ATXN7: variants seen among roughly 807,000 people sequenced by gnomAD.
The protein encoded by ATXN7 is ataxin 7.
A neutral mutation model predicts 70.5 loss-of-function variants in ATXN7; 12 were observed. That is an observed-to-expected ratio of 0.17 (90% CI 0.11 to 0.28). The LOEUF is 0.28. ATXN7 is among the 10% of genes least tolerant of loss of function. The pLI, the probability that ATXN7 is intolerant of heterozygous loss-of-function variation, is 1.00. For missense variants in ATXN7, 1,256 were observed against 1,131.7 expected, an observed-to-expected ratio of 1.11 and a Z score of -1.58; for synonymous variants, 498 against 448.7, an observed-to-expected ratio of 1.11 and a Z score of -1.39.
intron 4 of ATXN7, among the ~76,000 whole-genome samples, chr3:63,927,467 T>A (rs1314607119): frequency 6.6e-6 from 1 of 152,198 alleles, no homozygotes; most frequent in African/African-American, 2.4e-5. Flanking sequence ...TAATAATAAT[T>A]CTTGTTGAAG....
At chr3:63,989,167 G>C (rs1219452931) in intron 9 of ATXN7, among the ~76,000 whole-genome samples, 1 of 152,204 alleles carries the variant, frequency 6.6e-6, no homozygotes. Flanking sequence ...TGAGCTTTGT[G>C]GTTTCTGTGC....
At chr3:63,955,947 C>A (rs901219701) in intron 5 of ATXN7, among the ~76,000 whole-genome samples, 1 of 152,176 alleles carries the variant, frequency 6.6e-6, no homozygotes, top group Non-Finnish European at 1.5e-5. Flanking sequence ...TAAAACTATT[C>A]TGAATTGGTG....
chr3:63,887,374 A>T (rs562792861), intron 1 of ATXN7, among the ~76,000 whole-genome samples: 2 of 152,310 alleles, frequency 1.3e-5, no homozygotes, highest in East Asian at 3.9e-4. Context: ...TTAGCCAGAG[A>T]GATGTTTGAA....
At chr3:63,892,532 G>A (rs552670133) in intron 1 of ATXN7, among the ~76,000 whole-genome samples, 4 of 150,872 alleles carry the variant, frequency 2.7e-5, no homozygotes, top group Middle Eastern at 3.4e-3. Context: ...CCTGTCAACC[G>A]GAGTACTGGA....
At chr3:63,900,252 A>G (rs1703586177) in intron 2 of ATXN7, among the ~76,000 whole-genome samples, 1 of 152,254 alleles carries the variant, frequency 6.6e-6, no homozygotes, top group Non-Finnish European at 1.5e-5. Context: ...TATCTTACAT[A>G]CTTAGGCAAC....
chr3:63,999,728 C>T lies in ATXN7; in HGVS notation c.*261C>T, dbSNP rs2075814524. The T allele has an allele frequency of 6.6e-6, 4 of 605,404 alleles. No individual in the cohort carries two copies. The Admixed American group carries it at 1.2e-4, about 18-fold the overall frequency. 37.5% of individuals were successfully genotyped at this position (605,404 alleles called of 1,614,324 possible). ...ATCAGTGTTAAAGTGGTCTGAACTG[C>T]TTGCTACCAATCTGTGAGAAGTTTT... On this transcript the variant is annotated 3_prime_UTR_variant, in exon 13 of 13. Coordinates refer to ENST00000674280, the MANE Select transcript of ATXN7 (RefSeq NM_001377405.1).
chr3:64,001,036 G>A lies in ATXN7; in HGVS notation c.*1569G>A, dbSNP rs1282719308. The A allele has an allele frequency of 6.6e-6, 1 of 151,954 alleles. No homozygotes were observed. Among genetic ancestry groups the A allele is most frequent in the Non-Finnish European group, 1.5e-5 (1 of 67,998 alleles). The allele number at this position is 151,954 out of a possible 1,614,324, so 9.4% of individuals were successfully genotyped here. On this transcript the variant is annotated 3_prime_UTR_variant, in exon 13 of 13. Coordinates refer to ENST00000674280, the MANE Select transcript of ATXN7 (RefSeq NM_001377405.1). ...GCCAGGGCCTGATGAGAGCCAGTCA[G>A]TACATTCTTTTTTTCCTACAGTTCT...
chr3:63,992,005 G>T (rs534601280), intron 11 of ATXN7, among the ~76,000 whole-genome samples: 2 of 152,040 alleles, frequency 1.3e-5, no homozygotes, highest in Non-Finnish European at 2.9e-5. Context: ...CGGTGGGAGT[G>T]ACTTTGGTGA....
intron 1 of ATXN7, among the ~76,000 whole-genome samples, chr3:63,885,629 T>C (rs944164451): frequency 1.3e-5 from 2 of 152,188 alleles, no homozygotes; most frequent in African/African-American, 4.8e-5. Context: ...GTCACAGAGG[T>C]ATCTGCACTC....
At position 63,951,342 on chromosome 3, in the gene ATXN7, C is replaced by G. The variant is rs184343839; in HGVS notation, c.395-1037C>G. Among the ~76,000 whole-genome samples, 26 of 152,054 alleles carry G rather than the reference C, an allele frequency of 1.7e-4. No homozygotes were observed. The East Asian group carries it at 5.0e-3, about 29-fold the overall frequency. On this transcript the variant is annotated intron_variant, in intron 4 of 12. Transcript: ENST00000674280. ...TCCCTTTAAAACCACCAGGATCTCC[C>G]CGGCTGGAGAAAGTGTGAAATTAAA...
intron 1 of ATXN7, chr3:63,866,754 G>T (rs1702443414): frequency 6.6e-6 from 1 of 152,130 alleles, no homozygotes; most frequent in Non-Finnish European, 1.5e-5. Context: ...TTTACAAGTG[G>T]TCTTCTTTTT....
At chr3:63,892,402 AC>A (rs1703298012) in intron 1 of ATXN7, among the ~76,000 whole-genome samples, 1 of 149,388 alleles carries the variant, frequency 6.7e-6, no homozygotes, top group Admixed American at 6.7e-5. Flanking sequence ...ACACACACAC[AC>A]ACACACACCC....
chr3:63,957,758 A>T (rs928735316), intron 5 of ATXN7, among the ~76,000 whole-genome samples: 4 of 152,312 alleles, frequency 2.6e-5, no homozygotes, highest in Middle Eastern at 3.4e-3. Flanking sequence ...TTCACTTGTC[A>T]TTTGATGTTA....
At chr3:63,937,145 T>C (rs781165704) in intron 4 of ATXN7, among the ~76,000 whole-genome samples, 2 of 152,216 alleles carry the variant, frequency 1.3e-5, no homozygotes, top group Non-Finnish European at 2.9e-5. Flanking sequence ...TGCAGAGATA[T>C]GGCCATGTAA....
At chr3:63,938,992 A>C (rs1299242442) in intron 4 of ATXN7, among the ~76,000 whole-genome samples, 2 of 149,444 alleles carry the variant, frequency 1.3e-5, no homozygotes, top group Admixed American at 6.8e-5. Flanking sequence ...GCCTTTTAAA[A>C]TTTTTTTAAT....
At chr3:63,912,443 G>A (rs1449379948) in intron 2 of ATXN7, 145 bp from the exon 3 acceptor site, 18 of 350,248 alleles carry the variant, frequency 5.1e-5, no homozygotes, top group Non-Finnish European at 7.3e-5. Context: ...TGAGGAGGCG[G>A]GCTCGGGGGG....
intron 1 of ATXN7, among the ~76,000 whole-genome samples, chr3:63,866,506 T>C (rs1702435707): frequency 6.6e-6 from 1 of 152,210 alleles, no homozygotes; most frequent in Admixed American, 6.5e-5. Context: ...TCCTCCCGCC[T>C]CAGCCTCCCA....
intron 4 of ATXN7, among the ~76,000 whole-genome samples, chr3:63,950,098 T>G (rs1466140442): frequency 1.3e-5 from 2 of 152,136 alleles, no homozygotes; most frequent in African/African-American, 4.8e-5. Context: ...GTATAGATTC[T>G]TGGTTCCTTA....
chr3:63,908,743 T>A (rs1301835178), intron 2 of ATXN7, among the ~76,000 whole-genome samples: 2 of 152,208 alleles, frequency 1.3e-5, no homozygotes, highest in Non-Finnish European at 2.9e-5. Context: ...TTTGTTTTGT[T>A]TTTGTACATT....
Sources: gnomAD v4.1 joint callset for allele counts (sites outside exome capture counted in the v4.1 genomes callset) on GRCh38, gnomAD v4.1.1 for gene constraint, MANE v1.5 for transcripts, NCBI Gene and HGNC (gene_info 2026-07-23, HGNC 2026-07-21) for gene names.